Variants in CCDC171 observed in about 807,000 individuals in gnomAD.
The protein encoded by CCDC171 is coiled-coil domain-containing protein 171.
In CCDC171, 177 loss-of-function variants were observed where a neutral mutation model predicts 168.2. That is an observed-to-expected ratio of 1.05 (90% confidence interval 0.93 to 1.19). The LOEUF is 1.19. Among genes scored for constraint, CCDC171 ranks in the 50% most tolerant of loss-of-function variants. The probability of loss-of-function intolerance (pLI) is 0.00; values close to 1 mark genes in which losing one functional copy is unlikely to be tolerated. For missense variants in CCDC171, 1,991 were observed against 1,539.0 expected (o/e 1.29, Z -4.91); for synonymous variants, 687 against 540.8 (o/e 1.27, Z -3.75).
At chr9:15,978,156 T>C (rs542244553), downstream of CCDC171, among the ~76,000 whole-genome samples, 3 of 152,186 alleles carry the variant, frequency 2.0e-5, no homozygotes, top group South Asian at 6.2e-4. Context: ...GACTTTGATG[T>C]ACTACTGACT....
At chr9:15,929,125 A>G (rs966351848) in intron 25 of CCDC171, among the ~76,000 whole-genome samples, 10 of 151,578 alleles carry the variant, frequency 6.6e-5, no homozygotes, top group African/African-American at 1.5e-4. Context: ...ATATAGTTCT[A>G]TTCCACAGTG....
At chr9:15,731,313 C>T (rs1240364861) in intron 16 of CCDC171, among the ~76,000 whole-genome samples, 1 of 152,092 alleles carries the variant, frequency 6.6e-6, no homozygotes, top group African/African-American at 2.4e-5. Context: ...CCATTTAAGA[C>T]TTCAAACATT....
chr9:15,592,335 G>A (rs769370021), intron 5 of CCDC171, among the ~76,000 whole-genome samples: 1 of 151,448 alleles, frequency 6.6e-6, no homozygotes, highest in Non-Finnish European at 1.5e-5. Context: ...GTGAGACCCT[G>A]TCTCCCCCCA....
intron 16 of CCDC171, among the ~76,000 whole-genome samples, chr9:15,733,387 C>T (rs150814430): frequency 3.3e-5 from 5 of 151,300 alleles, no homozygotes; most frequent in Admixed American, 3.3e-4. Flanking sequence ...ATTTTTTTCC[C>T]TATATGTTTT....
At chr9:15,553,982 G>A (rs2038562975) in intron 1 of CCDC171, among the ~76,000 whole-genome samples, 1 of 151,018 alleles carries the variant, frequency 6.6e-6, no homozygotes, top group African/African-American at 2.4e-5. Context: ...GATGTTTTAT[G>A]GTTTTCATAA....
chr9:15,920,786 C>G (rs538669310), intron 25 of CCDC171, among the ~76,000 whole-genome samples: 1 of 151,552 alleles, frequency 6.6e-6, no homozygotes, highest in East Asian at 1.9e-4. Flanking sequence ...ATGCGTATAA[C>G]CAAAATGGTA....
At chr9:15,795,928 G>A (rs2058532235) in intron 21 of CCDC171, among the ~76,000 whole-genome samples, 1 of 152,104 alleles carries the variant, frequency 6.6e-6, no homozygotes, top group Non-Finnish European at 1.5e-5. Flanking sequence ...CCTTGTAGAA[G>A]GAAACGTGAA....
intron 8 of CCDC171, 55 bp downstream of exon 8, chr9:15,657,274 C>T (rs1169257251): frequency 9.6e-7 from 1 of 1,038,254 alleles, no homozygotes; most frequent in African/African-American, 1.6e-5. Flanking sequence ...GTTATAACAG[C>T]TGGGAAAAAC....
chr9:15,709,654 A>G (rs2052508482), intron 11 of CCDC171, among the ~76,000 whole-genome samples: 1 of 152,154 alleles, frequency 6.6e-6, no homozygotes, highest in Non-Finnish European at 1.5e-5. Context: ...GCATTTAAAT[A>G]TATTTTTGAA....
chr9:16,104,291 G>A, the CCDC171 span, among the ~76,000 whole-genome samples: 1 of 151,442 alleles, frequency 6.6e-6, no homozygotes, highest in Non-Finnish European at 1.5e-5. Flanking sequence ...CCCTCCCCAC[G>A]GCTCATCTCA....
chr9:15,792,130 G>T (rs2058300924), intron 21 of CCDC171, among the ~76,000 whole-genome samples: 1 of 152,232 alleles, frequency 6.6e-6, no homozygotes, highest in Admixed American at 6.5e-5. Context: ...GTCCTTAAAT[G>T]ACCTGATGGA....
intron 25 of CCDC171, among the ~76,000 whole-genome samples, chr9:15,942,030 A>G (rs1380459055): frequency 1.3e-5 from 2 of 151,824 alleles, no homozygotes; most frequent in East Asian, 1.9e-4. Flanking sequence ...TTGGAATAGT[A>G]TTTTCAGCCT....
At chr9:15,778,598 A>G (rs1259386140) in intron 19 of CCDC171, among the ~76,000 whole-genome samples, 1 of 119,824 alleles carries the variant, frequency 8.3e-6, no homozygotes, top group African/African-American at 3.0e-5. Context: ...GTGAGACGAG[A>G]TTGTGCCACT....
intron 11 of CCDC171, among the ~76,000 whole-genome samples, chr9:15,713,134 G>A (rs866334238): frequency 6.6e-6 from 1 of 152,106 alleles, no homozygotes; most frequent in South Asian, 2.1e-4. Context: ...TGTATATTTG[G>A]TCTTCTCTCA....
chr9:15,884,380 A>G (rs1187797338), intron 24 of CCDC171, among the ~76,000 whole-genome samples: 2 of 152,196 alleles, frequency 1.3e-5, no homozygotes, highest in Non-Finnish European at 2.9e-5. Flanking sequence ...TTGGTCAGGT[A>G]TATATAGATT....
intron 7 of CCDC171, among the ~76,000 whole-genome samples, chr9:15,636,701 G>A (rs1378541444): frequency 1.4e-5 from 2 of 138,510 alleles, no homozygotes; most frequent in Middle Eastern, 4.2e-3. Flanking sequence ...AGTGAGCTGT[G>A]ATCGTGCTGC....
chr9:15,839,797 AT>A (rs2060598364), intron 21 of CCDC171, among the ~76,000 whole-genome samples: 1 of 152,160 alleles, frequency 6.6e-6, no homozygotes, highest in African/African-American at 2.4e-5. Flanking sequence ...GCTGTCTAGA[AT>A]TTTTTCCCCC....
intron 23 of CCDC171, among the ~76,000 whole-genome samples, chr9:15,858,650 T>G (rs889914217): frequency 6.6e-6 from 1 of 152,102 alleles, no homozygotes; most frequent in African/African-American, 2.4e-5. Context: ...TGTAAGTATT[T>G]TATTCTTTTT....
At chr9:15,675,332 C>A (rs1174847843) in intron 9 of CCDC171, among the ~76,000 whole-genome samples, 2 of 151,360 alleles carry the variant, frequency 1.3e-5, no homozygotes, top group Admixed American at 1.3e-4. Context: ...ATGCAATTTG[C>A]CAGTCTGTGT....
Sources: allele counts gnomAD v4.1 joint callset (sites outside exome capture counted in the v4.1 genomes callset), GRCh38; gene constraint gnomAD v4.1.1; transcripts MANE v1.5; gene names NCBI Gene and HGNC (gene_info 2026-07-23, HGNC 2026-07-21).